ESRRG: variants seen among roughly 807,000 people sequenced by gnomAD.
The protein encoded by ESRRG is estrogen-related receptor gamma.
Under a neutral mutation model 44.0 loss-of-function variants are expected in ESRRG, and 13 were observed. That is an observed-to-expected ratio of 0.30 (90% CI 0.19 to 0.47). The LOEUF is 0.47. ESRRG is among the 20% of genes least tolerant of loss of function. The pLI, the probability that ESRRG is intolerant of heterozygous loss-of-function variation, is 1.00. For missense variants in ESRRG, 395 were observed against 580.6 expected (o/e 0.68, Z 3.29); for synonymous variants, 215 against 214.6 (o/e 1.00, Z -0.02).
intron 1 of ESRRG, among the ~76,000 whole-genome samples, chr1:217,046,214 G>A (rs955555831): frequency 1.3e-5 from 2 of 150,428 alleles, no homozygotes; most frequent in African/African-American, 4.9e-5. Context: ...TTATACCCCT[G>A]ATGGATACTA....
At chr1:216,726,577 C>T (rs2087563496), upstream of ESRRG, among the ~76,000 whole-genome samples, 1 of 152,112 alleles carries the variant, frequency 6.6e-6, no homozygotes, top group African/African-American at 2.4e-5. Flanking sequence ...CTAGGATACA[C>T]ATATATTCCC....
intron 3 of ESRRG, among the ~76,000 whole-genome samples, chr1:216,581,232 T>C (rs994951402): frequency 5.3e-5 from 8 of 152,212 alleles, no homozygotes; most frequent in African/African-American, 1.7e-4. Context: ...TTTCATTAAG[T>C]ATGCCACAAT....
chr1:217,025,339 T>C (rs911861058), intron 1 of ESRRG, among the ~76,000 whole-genome samples: 1 of 147,402 alleles, frequency 6.8e-6, no homozygotes, highest in South Asian at 2.2e-4. Context: ...TAGCCAAAAA[T>C]AAATTTCTGC....
chr1:216,507,038 C>T lies in ESRRG; in HGVS notation c.1278G>A (p.Gln426=), dbSNP rs1303563789. ...AATGCTGCACGGCCTTGGTAGAGGT[C>T]TGCCTCAGGAGTGGCAGTGTCATCA... ...KMLMTLPLLR[Q]TSTKAVQHFY... Residue 426 remains glutamine (Q), a synonymous_variant, in exon 7 of 7, where the codon CAG becomes CAA. Transcript: ENST00000408911. The T allele has an allele frequency of 1.2e-6, 2 of 1,614,130 alleles. No individual in the cohort carries two copies. The highest frequency in any genetic ancestry group is 1.7e-6 in the Non-Finnish European group (2 of 1,180,028).
At chr1:216,618,891 T>C (rs2061784824) in intron 3 of ESRRG, among the ~76,000 whole-genome samples, 1 of 152,244 alleles carries the variant, frequency 6.6e-6, no homozygotes, top group South Asian at 2.1e-4. Flanking sequence ...CCAAGCCTAC[T>C]GAGAACAGCC....
intron 2 of ESRRG, among the ~76,000 whole-genome samples, chr1:216,802,171 C>T (rs2094642791): frequency 6.6e-6 from 1 of 152,020 alleles, no homozygotes; most frequent in South Asian, 2.1e-4. Flanking sequence ...ATGTGGAAAG[C>T]CTGAGGGGTG....
intron 1 of ESRRG, among the ~76,000 whole-genome samples, chr1:216,964,514 T>C (rs1203484581): frequency 6.6e-6 from 1 of 152,128 alleles, no homozygotes; most frequent in South Asian, 2.1e-4. Context: ...GGAGTTTAGA[T>C]AATGGCAGTA....
At chr1:216,918,068 T>C (rs750252021) in intron 2 of ESRRG, among the ~76,000 whole-genome samples, 2 of 152,322 alleles carry the variant, frequency 1.3e-5, no homozygotes, top group African/African-American at 2.4e-5. Flanking sequence ...TATGTCTTTA[T>C]TTATGAGCCC....
At chr1:216,643,911 C>T (rs1200907544) in intron 3 of ESRRG, among the ~76,000 whole-genome samples, 4 of 152,134 alleles carry the variant, frequency 2.6e-5, no homozygotes, top group East Asian at 3.9e-4. Flanking sequence ...TAGTTCAGGT[C>T]ACTCTTGGCC....
intron 1 of ESRRG, among the ~76,000 whole-genome samples, chr1:216,690,511 C>T (rs2078865943): frequency 6.6e-6 from 1 of 152,032 alleles, no homozygotes; most frequent in African/African-American, 2.4e-5. Context: ...TAGAGAGGAA[C>T]ATAGGGAAGC....
At position 216,685,248 on chromosome 1, in the gene ESRRG, T is replaced by TA. The variant is rs11287817; in HGVS notation, c.57-7758dup. Among the ~76,000 whole-genome samples the TA allele has an allele frequency of 3.6e-3, 521 of 146,352 alleles. 2 individuals are homozygous for TA. The highest frequency in any genetic ancestry group is 0.011 in the African/African-American group (448 of 39,778). ...AACAAAAGGTTTCTATGAGATTTTATAAAAAAAAAAAGTACCCAAGATAAA... is the reference window on the plus strand; with the variant it reads ...AACAAAAGGTTTCTATGAGATTTTATAAAAAAAAAAAAGTACCCAAGATAAA... On this transcript the variant is annotated intron_variant, in intron 1 of 6. Transcript: ENST00000408911.
chr1:216,678,994 C>G (rs771319128), intron 1 of ESRRG, among the ~76,000 whole-genome samples: 4 of 152,208 alleles, frequency 2.6e-5, no homozygotes, highest in Non-Finnish European at 5.9e-5. Context: ...TTTCACTTAA[C>G]TGTTCCAAGA....
In ESRRG at chr1:216,919,899, A is replaced by C. The variant is rs11572509; in HGVS notation, c.-14+19683T>G. Reference sequence around the variant, plus strand: ...GAAAATGAACAGAGCACCTGCATTAAATTTTATTCTAATAAGTCTAAGACT... The same window carrying C: ...GAAAATGAACAGAGCACCTGCATTACATTTTATTCTAATAAGTCTAAGACT... On this transcript the variant is annotated intron_variant, in intron 2 of 7. Transcript: ENST00000359162. Among the ~76,000 whole-genome samples the C allele has an allele frequency of 6.4e-3, 968 of 152,312 alleles. 12 individuals are homozygous for C. The highest frequency in any genetic ancestry group is 0.022 in the African/African-American group (923 of 41,564).
intron 5 of ESRRG, among the ~76,000 whole-genome samples, chr1:216,525,423 C>T (rs2149021917): frequency 6.6e-6 from 1 of 152,232 alleles, no homozygotes; most frequent in Non-Finnish European, 1.5e-5. Flanking sequence ...CTCCCTCTTA[C>T]TTGACCTCAA....
intron 2 of ESRRG, among the ~76,000 whole-genome samples, chr1:216,733,327 A>G (rs920884414): frequency 3.3e-5 from 5 of 151,596 alleles, no homozygotes; most frequent in Admixed American, 6.6e-5. Flanking sequence ...GGGAGAAAAC[A>G]GGGCCACATG....
At chr1:216,691,455 G>A (rs572192606) in intron 1 of ESRRG, among the ~76,000 whole-genome samples, 1 of 152,208 alleles carries the variant, frequency 6.6e-6, no homozygotes, top group Admixed American at 6.5e-5. Flanking sequence ...TTTGCCAAAT[G>A]CTTCTGATGT....
chr1:217,039,496 G>A (rs190946967), intron 1 of ESRRG, among the ~76,000 whole-genome samples: 162 of 152,290 alleles, frequency 1.1e-3, no homozygotes, highest in African/African-American at 3.6e-3. Flanking sequence ...CAAAGAAAGA[G>A]CTTGTGCAGA....
intron 2 of ESRRG, among the ~76,000 whole-genome samples, chr1:216,851,938 C>T (rs1202319005): frequency 6.6e-6 from 1 of 151,938 alleles, no homozygotes; most frequent in East Asian, 1.9e-4. Flanking sequence ...AAAAAAATCA[C>T]CAAATGGATT....
intron 5 of ESRRG, among the ~76,000 whole-genome samples, chr1:216,545,989 G>C (rs2054377675): frequency 6.6e-6 from 1 of 151,992 alleles, no homozygotes; most frequent in Non-Finnish European, 1.5e-5. Context: ...TCCTACTTAT[G>C]TATTAATTTA....
Sources: allele counts gnomAD v4.1 joint callset (sites outside exome capture counted in the v4.1 genomes callset), GRCh38; gene constraint gnomAD v4.1.1; transcripts MANE v1.5; gene names NCBI Gene and HGNC (gene_info 2026-07-23, HGNC 2026-07-21).